Variants in ASTN2 observed in about 807,000 individuals in gnomAD.
ASTN2 encodes astrotactin 2, also known as astrotactin-2.
In ASTN2, 54 loss-of-function variants were observed where a neutral mutation model predicts 139.8. The observed-to-expected ratio is 0.39, with a 90% confidence interval of 0.31 to 0.48. The LOEUF (loss-of-function observed/expected upper bound fraction) is 0.48, where lower values mean the gene tolerates loss of function less well. Among genes scored for constraint, ASTN2 ranks in the 20% least tolerant of loss-of-function variants. The pLI is 0.95. For synonymous variants in ASTN2, 756 were observed against 719.5 expected (o/e 1.05, Z -0.81); for missense variants, 1,565 against 1,725.1 (o/e 0.91, Z 1.64).
At chr9:116,646,963 A>C (rs983791700) in intron 17 of ASTN2, among the ~76,000 whole-genome samples, 2 of 152,108 alleles carry the variant, frequency 1.3e-5, no homozygotes, top group African/African-American at 4.8e-5. Flanking sequence ...CTCTTCCTGA[A>C]ATGGGTCACA....
intron 17 of ASTN2, among the ~76,000 whole-genome samples, chr9:116,632,976 A>G (rs554572399): frequency 6.6e-6 from 1 of 152,360 alleles, no homozygotes; most frequent in East Asian, 1.9e-4. Context: ...CGCCTGTTGT[A>G]TGAATGAATA....
At chr9:116,822,537 G>T (rs1831518152) in intron 11 of ASTN2, among the ~76,000 whole-genome samples, 1 of 152,130 alleles carries the variant, frequency 6.6e-6, no homozygotes, top group African/African-American at 2.4e-5. Flanking sequence ...GCTTCAGTCT[G>T]TTTGCAGACT....
At chr9:116,476,086 C>T (rs1848971371) in intron 20 of ASTN2, among the ~76,000 whole-genome samples, 1 of 152,112 alleles carries the variant, frequency 6.6e-6, no homozygotes, top group African/African-American at 2.4e-5. Context: ...ATCATGGCAT[C>T]CGCAGGGCCA....
At chr9:117,121,551 C>A (rs1829558462) in intron 4 of ASTN2, among the ~76,000 whole-genome samples, 1 of 152,190 alleles carries the variant, frequency 6.6e-6, no homozygotes, top group Non-Finnish European at 1.5e-5. Context: ...TGGAAGGCTG[C>A]CAACTCTGAG....
intron 10 of ASTN2, among the ~76,000 whole-genome samples, chr9:116,867,284 A>AG (rs1833037247): frequency 6.6e-6 from 1 of 152,124 alleles, no homozygotes; most frequent in South Asian, 2.1e-4. Flanking sequence ...AGAAGGTGGG[A>AG]GGGAGAGTGA....
intron 3 of ASTN2, among the ~76,000 whole-genome samples, chr9:117,146,074 G>A (rs890871065): frequency 3.3e-5 from 5 of 152,120 alleles, no homozygotes; most frequent in Non-Finnish European, 7.3e-5. Context: ...AGAGGGGGAA[G>A]TGCTTTGCAA....
chr9:117,251,878 C>T lies in ASTN2; in HGVS notation c.631-37136G>A, dbSNP rs77043004. Among the ~76,000 whole-genome samples, 810 of 152,240 alleles carry T rather than the reference C, an allele frequency of 5.3e-3. 11 individuals are homozygous for T. The highest frequency in any genetic ancestry group is 0.019 in the African/African-American group (780 of 41,540). ...GAGAGTCTTCTAAAAAGCCTGAAGC[C>T]TCAGGCAGACTATCAGCACAGGAAT... is the stretch of plus-strand genomic sequence containing the variant. On this transcript the variant is annotated intron_variant, in intron 2 of 22. Transcript: ENST00000313400.
chr9:116,779,910 T>G (rs1830174389), intron 13 of ASTN2, among the ~76,000 whole-genome samples: 1 of 152,198 alleles, frequency 6.6e-6, no homozygotes, highest in Admixed American at 6.5e-5. Context: ...CACTAATCCA[T>G]TCATAGAATC....
chr9:116,788,695 C>A (rs536392477), intron 13 of ASTN2, among the ~76,000 whole-genome samples: 1 of 152,188 alleles, frequency 6.6e-6, no homozygotes, highest in South Asian at 2.1e-4. Context: ...TTGTGGTCCT[C>A]CAATGTCTAA....
At chr9:117,240,368 A>G (rs1833170136) in intron 2 of ASTN2, among the ~76,000 whole-genome samples, 2 of 152,156 alleles carry the variant, frequency 1.3e-5, no homozygotes, top group African/African-American at 2.4e-5. Flanking sequence ...GGGAACGAGG[A>G]TGGTTGAAAA....
intron 1 of ASTN2, among the ~76,000 whole-genome samples, chr9:117,374,626 G>A (rs980260845): frequency 1.9e-4 from 29 of 152,128 alleles, no homozygotes; most frequent in Admixed American, 1.3e-4. Flanking sequence ...AAGGCACCAA[G>A]TCTGGTAGAG....
chr9:116,795,064 C>T (rs1346644878), intron 13 of ASTN2, among the ~76,000 whole-genome samples: 2 of 152,208 alleles, frequency 1.3e-5, no homozygotes, highest in African/African-American at 4.8e-5. Flanking sequence ...GCAATCTCCG[C>T]CTCCTGGGTT....
chr9:117,329,180 C>CTTTTTTTTTTTTT (rs749880987), intron 1 of ASTN2, among the ~76,000 whole-genome samples: 1 of 82,578 alleles, frequency 1.2e-5, no homozygotes, highest in Non-Finnish European at 2.3e-5. Context: ...CTTCCAAGTT[C>CTTTTTTTTTTTTT]TTTTTTTTTT....
At chr9:116,500,083 C>T (rs79413975) in intron 19 of ASTN2, among the ~76,000 whole-genome samples, 22,177 of 152,062 alleles carry the variant, frequency 0.15, 1,762 homozygotes, top group Middle Eastern at 0.2. Flanking sequence ...TGATGCCTGA[C>T]GAACCCTGGA....
intron 5 of ASTN2, among the ~76,000 whole-genome samples, chr9:117,061,363 T>G (rs1258222867): frequency 2.5e-5 from 1 of 40,616 alleles, no homozygotes. Context: ...ATGATGTAAG[T>G]GCTTTGCACA....
At chr9:117,003,168 G>T (rs1408050605) in intron 7 of ASTN2, among the ~76,000 whole-genome samples, 1 of 152,176 alleles carries the variant, frequency 6.6e-6, no homozygotes, top group East Asian at 1.9e-4. Flanking sequence ...ACACAGTTTT[G>T]TCAAGATAAT....
intron 6 of ASTN2, among the ~76,000 whole-genome samples, chr9:117,008,510 T>C (rs1195603062): frequency 6.6e-6 from 1 of 152,080 alleles, no homozygotes; most frequent in Non-Finnish European, 1.5e-5. Flanking sequence ...TAGGGTCAAA[T>C]TCAGAATCTG....
At chr9:116,824,397 C>T (rs79428660) in intron 11 of ASTN2, among the ~76,000 whole-genome samples, 25 of 151,500 alleles carry the variant, frequency 1.7e-4, no homozygotes, top group Admixed American at 1.1e-3. Context: ...CTCTCTCTCT[C>T]ATCACTTGCT....
At chr9:116,494,922 T>C (rs943580992) in intron 19 of ASTN2, among the ~76,000 whole-genome samples, 1 of 152,178 alleles carries the variant, frequency 6.6e-6, no homozygotes, top group Non-Finnish European at 1.5e-5. Flanking sequence ...GTGTCCAGCA[T>C]AGGGCTGATG....
Sources: allele counts gnomAD v4.1 joint callset (sites outside exome capture counted in the v4.1 genomes callset), GRCh38; gene constraint gnomAD v4.1.1; transcripts MANE v1.5; gene names NCBI Gene and HGNC (gene_info 2026-07-23, HGNC 2026-07-21).